Variants in PAK5 observed in about 807,000 individuals in gnomAD.
PAK5 encodes serine/threonine-protein kinase PAK 5.
Under a neutral mutation model 65.9 loss-of-function variants are expected in PAK5, and 16 were observed. The ratio of observed to expected loss-of-function variants is 0.24; its 90% CI spans 0.16 to 0.37. The LOEUF is 0.37. PAK5 is among the 10% of genes least tolerant of loss of function. The pLI is 1.00. For missense variants in PAK5, 785 were observed against 903.9 expected, an observed-to-expected ratio of 0.87 and a Z score of 1.69; for synonymous variants, 371 against 354.9, an observed-to-expected ratio of 1.05 and a Z score of -0.51.
chr20:9,558,043 T>C (rs6118648), intron 6 of PAK5, among the ~76,000 whole-genome samples: 1,733 of 138,910 alleles, frequency 0.012, 23 homozygotes, highest in African/African-American at 0.022. Context: ...TTTATTTATT[T>C]ATTCATTCAT....
At chr20:9,742,343 T>C (rs1375379127) in intron 1 of PAK5, among the ~76,000 whole-genome samples, 1 of 152,184 alleles carries the variant, frequency 6.6e-6, no homozygotes, top group Non-Finnish European at 1.5e-5. Context: ...ACTATGAAAC[T>C]GAAGCAGATC....
rs2206471 is a variant in PAK5, at chr20:9,703,567, G to C, written c.-12+7719C>G. Among the ~76,000 whole-genome samples, 39 of 152,200 alleles carry C rather than the reference G, an allele frequency of 2.6e-4. No individual in the cohort carries two copies. The East Asian group carries it at 7.5e-3, about 29-fold the overall frequency. ...GCTAAGTGAAAATGCTACATAAACT[G>C]TATGCTTTTTGCAAGTGTTGTGGTT... On this transcript the variant is annotated intron_variant, in intron 2 of 9. Transcript: ENST00000353224.
intron 1 of PAK5, among the ~76,000 whole-genome samples, chr20:9,741,962 C>T (rs993404668): frequency 6.6e-6 from 1 of 152,084 alleles, no homozygotes; most frequent in Non-Finnish European, 1.5e-5. Flanking sequence ...AGGGATCTTG[C>T]CTTTGTGTCC....
At chr20:9,628,362 C>CATTG (rs2046876501) in intron 3 of PAK5, among the ~76,000 whole-genome samples, 1 of 152,166 alleles carries the variant, frequency 6.6e-6, no homozygotes, top group Non-Finnish European at 1.5e-5. Flanking sequence ...TTAAGCAATA[C>CATTG]ATTGTCACTG....
intron 1 of PAK5, among the ~76,000 whole-genome samples, chr20:9,769,443 T>C (rs982412443): frequency 6.6e-6 from 1 of 152,252 alleles, no homozygotes; most frequent in African/African-American, 2.4e-5. Context: ...TAGCTATCCA[T>C]GCTAAAAATA....
chr20:9,779,487 G>GTT (rs140275695), intron 1 of PAK5, among the ~76,000 whole-genome samples: 7 of 149,956 alleles, frequency 4.7e-5, no homozygotes, highest in South Asian at 2.1e-4. Context: ...TTTCTGAGGA[G>GTT]TTTTTTTTCA....
chr20:9,644,271 T>G lies in PAK5; in HGVS notation c.58A>C (p.Arg20=). 6.2e-7 allele frequency: 1 copy of G among 1,606,446 alleles called. No individual in the cohort carries two copies. ...TGTGGATCAAACCCAGTATGAACCCTGTGTTCAAAGTTGGACGGGCCAGAT... is the reference window on the plus strand; with the variant it reads ...TGTGGATCAAACCCAGTATGAACCCGGTGTTCAAAGTTGGACGGGCCAGAT... The part of the protein sequence containing the change: ...EISGPSNFEH[R]VHTGFDPQEQ... The change falls in exon 3 of 10, where the codon AGG becomes CGG. Residue 20 remains arginine, a synonymous_variant. Coordinates refer to ENST00000353224, the MANE Select transcript of PAK5 (RefSeq NM_177990.4).
In PAK5 at chr20:9,562,931, G is replaced by C; in HGVS notation, c.1576C>G (p.Leu526Val). 6.2e-7 allele frequency: 1 copy of C among 1,613,862 alleles called. No individual in the cohort carries two copies. The highest frequency in any genetic ancestry group is 8.5e-7 in the Non-Finnish European group (1 of 1,179,800). ...ATGTCTGTCAAGGCACCACCTTCTA[G>C]AAACTCCATGACCACCCAGAGCTCA... ...GDELWVVMEF[L>V]EGGALTDIVT... Residue 526 changes from leucine to valine, a missense_variant, in exon 6 of 10, where the codon CTA (leucine) becomes GTA (valine). This residue lies in a region of PAK5 where 182 missense variants were observed against 273.0 expected (regional missense o/e 0.67). Coordinates refer to ENST00000353224, the MANE Select transcript of PAK5 (RefSeq NM_177990.4).
intron 3 of PAK5, among the ~76,000 whole-genome samples, chr20:9,602,464 G>A (rs948526817): frequency 3.3e-5 from 5 of 152,150 alleles, no homozygotes; most frequent in African/African-American, 1.2e-4. Flanking sequence ...GCCCCTTGGT[G>A]TCTGGGATGT....
At chr20:9,565,416 C>T (rs901898854) in intron 5 of PAK5, among the ~76,000 whole-genome samples, 2 of 152,102 alleles carry the variant, frequency 1.3e-5, no homozygotes, top group East Asian at 3.8e-4. Context: ...GGTAAACTGA[C>T]CCTGGTCTAC....
chr20:9,832,438 A>AT (rs1309930693), intron 1 of PAK5, among the ~76,000 whole-genome samples: 4 of 151,838 alleles, frequency 2.6e-5, no homozygotes, highest in South Asian at 2.1e-4. Context: ...ACACCCAGCT[A>AT]TTTTTTTGTA....
At chr20:9,546,271 T>A (rs773360718) in intron 7 of PAK5, among the ~76,000 whole-genome samples, 2 of 152,218 alleles carry the variant, frequency 1.3e-5, no homozygotes, top group African/African-American at 4.8e-5. Context: ...TATCTCTCTA[T>A]CCATCCATCT....
chr20:9,550,222 T>C (rs1227127605), intron 7 of PAK5, among the ~76,000 whole-genome samples: 1 of 152,102 alleles, frequency 6.6e-6, no homozygotes, highest in Non-Finnish European at 1.5e-5. Flanking sequence ...AAGCCTGTGA[T>C]TGGGACAAGG....
intron 9 of PAK5, among the ~76,000 whole-genome samples, chr20:9,542,069 C>T (rs577923021): frequency 3.3e-5 from 5 of 152,296 alleles, no homozygotes; most frequent in South Asian, 2.1e-4. Flanking sequence ...ACTCATACAA[C>T]CAGCTTTCAA....
intron 2 of PAK5, among the ~76,000 whole-genome samples, chr20:9,650,429 T>C (rs2047188505): frequency 6.6e-6 from 1 of 152,202 alleles, no homozygotes; most frequent in Admixed American, 6.5e-5. Context: ...AATTTGTAGG[T>C]GGAGAAAGAG....
chr20:9,732,681 T>A (rs375533366), intron 1 of PAK5, among the ~76,000 whole-genome samples: 25 of 152,142 alleles, frequency 1.6e-4, no homozygotes, highest in Non-Finnish European at 2.8e-4. Flanking sequence ...ACCCAAGGGC[T>A]ATAGGGAGTT....
At chr20:9,804,091 G>A (rs1181305136) in intron 1 of PAK5, among the ~76,000 whole-genome samples, 1 of 152,062 alleles carries the variant, frequency 6.6e-6, no homozygotes, top group East Asian at 1.9e-4. Flanking sequence ...ATCATTACCT[G>A]AGAACTTGTT....
chr20:9,719,117 A>G (rs763222020), intron 1 of PAK5, among the ~76,000 whole-genome samples: 15 of 152,192 alleles, frequency 9.9e-5, no homozygotes, highest in Non-Finnish European at 2.2e-4. Context: ...CAGAGGAGAA[A>G]GCAACATAAT....
intron 1 of PAK5, among the ~76,000 whole-genome samples, chr20:9,787,750 T>G (rs2049008314): frequency 6.6e-6 from 1 of 151,862 alleles, no homozygotes; most frequent in Admixed American, 6.6e-5. Flanking sequence ...GATTTGGGAA[T>G]AGATATGCAG....
Sources: gnomAD v4.1 joint callset for allele counts (sites outside exome capture counted in the v4.1 genomes callset) on GRCh38, gnomAD v4.1.1 for gene constraint, gnomAD v4.1.1 regional missense constraint, MANE v1.5 for transcripts, NCBI Gene and HGNC (gene_info 2026-07-23, HGNC 2026-07-21) for gene names.